LRRC4C: variants seen among roughly 807,000 people sequenced by gnomAD.
LRRC4C encodes the protein leucine-rich repeat-containing protein 4C.
Under a neutral mutation model 33.6 loss-of-function variants are expected in LRRC4C, and 5 were observed. The observed-to-expected ratio is 0.15, with a 90% confidence interval of 0.08 to 0.31. The LOEUF is 0.31. Ranked by LOEUF, LRRC4C falls within the 10% of genes least tolerant of loss-of-function variation. The pLI, the probability that LRRC4C is intolerant of heterozygous loss-of-function variation, is 1.00. For missense variants in LRRC4C, 560 were observed against 796.7 expected, an observed-to-expected ratio of 0.70 and a Z score of 3.58; for synonymous variants, 329 against 302.0, an observed-to-expected ratio of 1.09 and a Z score of -0.93.
intron 1 of LRRC4C, among the ~76,000 whole-genome samples, chr11:41,344,161 T>A (rs1415842269): frequency 2.6e-5 from 4 of 151,526 alleles, no homozygotes; most frequent in Non-Finnish European, 5.9e-5. Flanking sequence ...CCCCATGTCT[T>A]CCGCTTCCAG....
At chr11:40,678,278 G>A (rs2136312174) in intron 2 of LRRC4C, among the ~76,000 whole-genome samples, 1 of 152,044 alleles carries the variant, frequency 6.6e-6, no homozygotes, top group South Asian at 2.1e-4. Flanking sequence ...TAGAATTTCA[G>A]CCCTGGAGCC....
chr11:40,365,758 G>T (rs1948180942), intron 3 of LRRC4C, among the ~76,000 whole-genome samples: 1 of 151,958 alleles, frequency 6.6e-6, no homozygotes, highest in Non-Finnish European at 1.5e-5. Flanking sequence ...TAACTTCATT[G>T]TCACTTTGAT....
At chr11:41,394,579 G>A (rs139020178) in intron 1 of LRRC4C, 16 of 152,038 alleles carry the variant, frequency 1.1e-4, no homozygotes, top group African/African-American at 3.6e-4. Flanking sequence ...TTTGATCCTT[G>A]TGGTAAAAAA....
intron 3 of LRRC4C, among the ~76,000 whole-genome samples, chr11:40,506,675 T>C (rs1033279598): frequency 6.6e-6 from 1 of 151,926 alleles, no homozygotes; most frequent in Non-Finnish European, 1.5e-5. Flanking sequence ...ATATACAAAA[T>C]AACATAAAAA....
At chr11:41,190,582 G>C (rs1255376956) in intron 1 of LRRC4C, among the ~76,000 whole-genome samples, 1 of 152,148 alleles carries the variant, frequency 6.6e-6, no homozygotes, top group African/African-American at 2.4e-5. Flanking sequence ...TGTGCACATA[G>C]ATTACCCAGT....
chr11:40,320,495 G>C (rs1395112616), intron 3 of LRRC4C, among the ~76,000 whole-genome samples: 1 of 152,040 alleles, frequency 6.6e-6, no homozygotes, highest in Non-Finnish European at 1.5e-5. Context: ...GACAGAGTGA[G>C]ACTCTGTCTC....
intron 1 of LRRC4C, among the ~76,000 whole-genome samples, chr11:41,193,943 G>C (rs987646505): frequency 4.6e-5 from 7 of 151,808 alleles, no homozygotes; most frequent in Admixed American, 6.6e-5. Context: ...TTTTCATAAA[G>C]TCACATAGAG....
intron 2 of LRRC4C, among the ~76,000 whole-genome samples, chr11:40,825,657 A>G (rs1197722178): frequency 6.6e-6 from 1 of 151,894 alleles, no homozygotes; most frequent in African/African-American, 2.4e-5. Context: ...CCTGGCCTTC[A>G]TTTTTCCCAC....
intron 1 of LRRC4C, among the ~76,000 whole-genome samples, chr11:41,318,014 C>A (rs1950845948): frequency 6.6e-6 from 1 of 151,958 alleles, no homozygotes; most frequent in Admixed American, 6.6e-5. Flanking sequence ...AAAAGTAGAA[C>A]ATGCATTCAA....
intron 2 of LRRC4C, among the ~76,000 whole-genome samples, chr11:40,836,212 C>A (rs560905136): frequency 6.6e-6 from 1 of 152,262 alleles, no homozygotes; most frequent in African/African-American, 2.4e-5. Flanking sequence ...TAAATGTAGA[C>A]CTCCTGTTAC....
intron 1 of LRRC4C, among the ~76,000 whole-genome samples, chr11:41,048,713 G>T (rs1461292572): frequency 1.3e-5 from 2 of 152,164 alleles, no homozygotes; most frequent in Admixed American, 6.6e-5. Flanking sequence ...TCTAGAGACA[G>T]ATTTATAGTA....
At chr11:40,937,842 G>C (rs548512077) in intron 1 of LRRC4C, among the ~76,000 whole-genome samples, 2 of 151,998 alleles carry the variant, frequency 1.3e-5, no homozygotes, top group Admixed American at 1.3e-4. Flanking sequence ...TTTGTTTGTA[G>C]AGACAGGGTC....
intron 2 of LRRC4C, among the ~76,000 whole-genome samples, chr11:40,686,941 T>C (rs186639888): frequency 3.3e-5 from 5 of 152,030 alleles, no homozygotes; most frequent in African/African-American, 1.2e-4. Context: ...TATTACCTAT[T>C]GGTAATACAA....
intron 3 of LRRC4C, chr11:40,446,750 G>C (rs1355305923): frequency 6.6e-6 from 1 of 152,150 alleles, no homozygotes; most frequent in Non-Finnish European, 1.5e-5. Context: ...AAGCAGGAGA[G>C]AGAATGACCA....
At chr11:40,965,895 A>G (rs1851324819) in intron 1 of LRRC4C, among the ~76,000 whole-genome samples, 1 of 152,016 alleles carries the variant, frequency 6.6e-6, no homozygotes, top group Non-Finnish European at 1.5e-5. Context: ...GTTTTTTCCA[A>G]TTCTGTGAAG....
chr11:40,245,144 A>G (rs1386091149), intron 4 of LRRC4C, among the ~76,000 whole-genome samples: 1 of 152,136 alleles, frequency 6.6e-6, no homozygotes, highest in Non-Finnish European at 1.5e-5. Flanking sequence ...AGTCTTGGCC[A>G]TTTCCTGAGA....
intron 1 of LRRC4C, among the ~76,000 whole-genome samples, chr11:41,068,077 A>C (rs1287049464): frequency 6.6e-6 from 1 of 152,066 alleles, no homozygotes; most frequent in African/African-American, 2.4e-5. Context: ...CTGAAGGAGA[A>C]AGAGATATGA....
At chr11:41,305,842 C>T (rs1274801545) in intron 1 of LRRC4C, among the ~76,000 whole-genome samples, 1 of 133,758 alleles carries the variant, frequency 7.5e-6, no homozygotes, top group East Asian at 2.2e-4. Flanking sequence ...CTTCCCTCCA[C>T]TATTGTCCCA....
intron 3 of LRRC4C, among the ~76,000 whole-genome samples, chr11:40,492,726 G>A (rs1954222801): frequency 6.6e-6 from 1 of 152,026 alleles, no homozygotes; most frequent in African/African-American, 2.4e-5. Context: ...GAAATATTTA[G>A]GAGGATATCT....
Sources: allele counts gnomAD v4.1 joint callset (sites outside exome capture counted in the v4.1 genomes callset), GRCh38; gene constraint gnomAD v4.1.1; transcripts MANE v1.5; gene names NCBI Gene and HGNC (gene_info 2026-07-23, HGNC 2026-07-21).